Variants in CCND3 observed in about 807,000 individuals in gnomAD.
CCND3 encodes G1/S-specific cyclin-D3.
Under a neutral mutation model 28.7 loss-of-function variants are expected in CCND3, and 9 were observed. That is an observed-to-expected ratio of 0.31 (90% CI 0.19 to 0.55). The LOEUF (loss-of-function observed/expected upper bound fraction) is 0.55, where lower values mean the gene tolerates loss of function less well. Ranked by LOEUF, CCND3 falls within the 20% of genes least tolerant of loss-of-function variation. The probability of loss-of-function intolerance (pLI) is 0.93; values close to 1 mark genes in which losing one functional copy is unlikely to be tolerated. For synonymous variants in CCND3, 164 were observed against 163.9 expected (o/e 1.00, Z 0.00); for missense variants, 315 against 385.8 (o/e 0.82, Z 1.54).
intron 1 of CCND3, among the ~76,000 whole-genome samples, chr6:41,973,643 G>T (rs1349208214): frequency 6.6e-6 from 1 of 152,130 alleles, no homozygotes; most frequent in African/African-American, 2.4e-5. Flanking sequence ...GCATGACCTT[G>T]ACAAGTCTTG....
chr6:42,044,956 C>CTTTTTTTTTTTT (rs1562002036), intron 1 of CCND3, among the ~76,000 whole-genome samples: 3 of 123,952 alleles, frequency 2.4e-5, no homozygotes, highest in African/African-American at 6.2e-5. Flanking sequence ...GCCCGGCTAA[C>CTTTTTTTTTTTT]GTTTTTTTTT....
chr6:42,024,359 C>T (rs1446681986), intron 1 of CCND3, among the ~76,000 whole-genome samples: 2 of 149,944 alleles, frequency 1.3e-5, no homozygotes, highest in Admixed American at 6.7e-5. Context: ...GCGGAGATCA[C>T]GCCACTGCAT....
At chr6:42,031,340 C>A (rs1764036907) in intron 1 of CCND3, 1 of 152,202 alleles carries the variant, frequency 6.6e-6, no homozygotes, top group South Asian at 2.1e-4. Context: ...CCAGAGTCAC[C>A]TGGATACTTC....
intron 1 of CCND3, among the ~76,000 whole-genome samples, chr6:41,978,542 TAAC>T (rs776169759): frequency 3.3e-5 from 5 of 151,896 alleles, no homozygotes; most frequent in East Asian, 3.9e-4. Context: ...GTCTCAACAA[TAAC>T]AACAACAACA....
intron 1 of CCND3, among the ~76,000 whole-genome samples, chr6:41,972,979 A>C (rs950342309): frequency 6.6e-6 from 1 of 152,138 alleles, no homozygotes; most frequent in African/African-American, 2.4e-5. Context: ...AGATGAATGC[A>C]CATGGCTAAG....
At chr6:42,046,646 A>G (rs1764553359) in intron 1 of CCND3, among the ~76,000 whole-genome samples, 1 of 152,058 alleles carries the variant, frequency 6.6e-6, no homozygotes, top group Non-Finnish European at 1.5e-5. Flanking sequence ...GCACGCACAC[A>G]CGCGCGCGCA....
intron 1 of CCND3, among the ~76,000 whole-genome samples, chr6:42,042,985 G>A (rs1484512772): frequency 1.3e-5 from 2 of 152,142 alleles, no homozygotes; most frequent in African/African-American, 4.8e-5. Context: ...GTGGTTACAT[G>A]CACAAATGTT....
chr6:41,948,597 G>C (rs1776227598), intron 1 of CCND3, among the ~76,000 whole-genome samples: 1 of 152,048 alleles, frequency 6.6e-6, no homozygotes, highest in South Asian at 2.1e-4. Context: ...CCAGCACTTT[G>C]GGAGGCCGAG....
intron 1 of CCND3, among the ~76,000 whole-genome samples, chr6:42,035,648 T>C (rs1764181901): frequency 6.6e-6 from 1 of 151,222 alleles, no homozygotes; most frequent in Non-Finnish European, 1.5e-5. Context: ...ATTACAGGTG[T>C]TAGCCACCGT....
intron 1 of CCND3, among the ~76,000 whole-genome samples, chr6:42,046,659 C>A (rs1304450081): frequency 6.6e-6 from 1 of 152,156 alleles, no homozygotes; most frequent in Non-Finnish European, 1.5e-5. Context: ...CGCGCGCACA[C>A]ACACACACAC....
rs879041589 is a variant in CCND3 at position 41,935,624 on chromosome 6, G to GC, written c.*315_*316insG. 10 of 470,034 alleles carry GC rather than the reference G, an allele frequency of 2.1e-5. No individual in the cohort carries two copies. Among genetic ancestry groups the GC allele is most frequent in the South Asian group, 2.0e-4 (4 of 20,478 alleles). The allele number at this position is 470,034 out of a possible 1,614,324, so 29.1% of individuals were successfully genotyped here. A position where few individuals can be genotyped will look rare whatever the true frequency, so the allele number is the denominator to read the frequency against. On this transcript the variant is annotated 3_prime_UTR_variant, in exon 5 of 5. Coordinates refer to ENST00000372991, the MANE Select transcript of CCND3 (RefSeq NM_001760.5). ...CATGAGAGCCCCCAGGGGTGGGGGG[G>GC]GGCGTTCAAAAGGAATGCTGGTGTA...
intron 1 of CCND3, among the ~76,000 whole-genome samples, chr6:42,020,717 T>A (rs1379712415): frequency 6.6e-6 from 1 of 152,228 alleles, no homozygotes; most frequent in African/African-American, 2.4e-5. Context: ...ACTCCAAGAC[T>A]TCATGAGCAG....
chr6:41,937,944 A>G (rs1390193647), intron 2 of CCND3, among the ~76,000 whole-genome samples: 1 of 152,158 alleles, frequency 6.6e-6, no homozygotes, highest in Non-Finnish European at 1.5e-5. Context: ...GCCTTTTCTC[A>G]GGTTCCTCAA....
chr6:42,008,498 C>A (rs1243369704), intron 1 of CCND3, among the ~76,000 whole-genome samples: 1 of 152,210 alleles, frequency 6.6e-6, no homozygotes, highest in Non-Finnish European at 1.5e-5. Context: ...GTGCAGCTTT[C>A]CAGAGCTGCA....
intron 1 of CCND3, among the ~76,000 whole-genome samples, chr6:41,970,700 C>T (rs1249154152): frequency 6.6e-6 from 1 of 152,200 alleles, no homozygotes; most frequent in Non-Finnish European, 1.5e-5. Context: ...AGAGACGTCC[C>T]CACACACTAC....
chr6:41,959,033 G>A (rs556500406), intron 1 of CCND3, among the ~76,000 whole-genome samples: 9 of 152,094 alleles, frequency 5.9e-5, no homozygotes, highest in South Asian at 4.2e-4. Flanking sequence ...TCAGAGGATC[G>A]GCCGGGCACG....
rs142318552 is a variant in CCND3 at position 42,048,635 on chromosome 6, C to A, written c.-180G>T. 1,193 of 518,254 alleles carry A rather than the reference C, an allele frequency of 2.3e-3. 9 individuals carry two copies. Among genetic ancestry groups the A allele is most frequent in the African/African-American group, 0.021 (1,079 of 52,062 alleles). The allele number at this position is 518,254 out of a possible 1,614,324, so 32.1% of individuals were successfully genotyped here. A position where few individuals can be genotyped will look rare whatever the true frequency, so the allele number is the denominator to read the frequency against. On this transcript the variant is annotated 5_prime_UTR_variant, in exon 1 of 5. Coordinates refer to the CCND3 transcript ENST00000372988. This position sits in a 1 kb window ranked among gnomAD's most constrained non-coding sequence, Gnocchi z 4.7. ...CGAGGAGAGGATTGCACCTCTCCCC[C>A]CCGGCCGGCATCCGAACAGAGCCAG...
At chr6:42,047,423 G>C (rs958356485) in intron 1 of CCND3, among the ~76,000 whole-genome samples, 2 of 152,204 alleles carry the variant, frequency 1.3e-5, no homozygotes, top group African/African-American at 4.8e-5. Context: ...AGGAAGCAAA[G>C]GGAGATCCAC....
chr6:42,025,308 A>T (rs112060803), intron 1 of CCND3, among the ~76,000 whole-genome samples: 2 of 152,166 alleles, frequency 1.3e-5, no homozygotes, highest in African/African-American at 4.8e-5. Context: ...AGTCTGAGAG[A>T]CCAAGGCCTC....
Sources: allele counts gnomAD v4.1 joint callset (sites outside exome capture counted in the v4.1 genomes callset), GRCh38; gene constraint gnomAD v4.1.1; non-coding constraint Gnocchi (gnomAD v3.1); transcripts MANE v1.5; gene names NCBI Gene and HGNC (gene_info 2026-07-23, HGNC 2026-07-21).